Variants in MTIF2 observed in about 807,000 individuals in gnomAD.
MTIF2 encodes the protein translation initiation factor IF-2, mitochondrial.
MTIF2 carries 71 observed loss-of-function variants against 83.5 expected under a neutral mutation model. That is an observed-to-expected ratio of 0.85 (90% CI 0.70 to 1.04). The LOEUF (loss-of-function observed/expected upper bound fraction) is 1.04. MTIF2 is among the 50% of genes least tolerant of loss of function. The probability of loss-of-function intolerance (pLI) is 0.00; values close to 1 mark genes in which losing one functional copy is unlikely to be tolerated. For synonymous variants in MTIF2, 319 were observed against 287.1 expected (o/e 1.11, Z -1.12); for missense variants, 957 against 846.5 (o/e 1.13, Z -1.62).
Position 55,262,064 on chromosome 2 carries a change from G to A in MTIF2, c.331+252C>T, listed in dbSNP as rs181809988. 1.2e-3 allele frequency among the ~76,000 whole-genome samples: 184 copies of A among 151,702 alleles called. 1 individual carries two copies. The highest frequency in any genetic ancestry group is 4.3e-3 in the African/African-American group (176 of 41,408). ...TATTCTAATAGCCCACAAAACTTCC[G>A]AGAAAGAAAACTTAATTCGTATAAG... On this transcript the variant is annotated intron_variant, in intron 5 of 15. Coordinates refer to ENST00000263629, the MANE Select transcript of MTIF2 (RefSeq NM_002453.3).
chr2:55,259,334 T>C (rs1217886328), intron 5 of MTIF2, among the ~76,000 whole-genome samples: 1 of 152,182 alleles, frequency 6.6e-6, no homozygotes, highest in Non-Finnish European at 1.5e-5. Flanking sequence ...GATTTGAATA[T>C]GAAATAAGCT....
intron 14 of MTIF2, among the ~76,000 whole-genome samples, chr2:55,237,736 C>T (rs768886073): frequency 2.0e-5 from 3 of 147,722 alleles, no homozygotes; most frequent in Non-Finnish European, 4.5e-5. Flanking sequence ...CTGCAACCTC[C>T]ACCTCCGGGG....
At chr2:55,243,995 T>C (rs756709599) in intron 11 of MTIF2, 34 bp downstream of exon 11, 4 of 1,486,134 alleles carry the variant, frequency 2.7e-6, no homozygotes, top group Non-Finnish European at 2.7e-6. Flanking sequence ...ATCATTATAT[T>C]ATATCTAATA....
rs548127761 is a variant in MTIF2 at position 55,237,034 on chromosome 2, C to T, written c.2012-214G>A. The stretch of plus-strand genomic sequence containing the variant: ...TGATTTGTAACAAAATAACCTAAAT[C>T]TCCTATTTCAAAGGTAGACATAAAC... On this transcript the variant is annotated intron_variant, in intron 15 of 15. Coordinates refer to ENST00000263629, the MANE Select transcript of MTIF2 (RefSeq NM_002453.3). Among the ~76,000 whole-genome samples the T allele has an allele frequency of 5.9e-5, 9 of 152,312 alleles. No individual in the cohort carries two copies. In the East Asian group the frequency reaches 9.6e-4, roughly 16 times the overall value.
In MTIF2 at chr2:55,243,551, C is replaced by CT. The variant is rs867072542; in HGVS notation, c.1428dup (p.Ala477SerfsTer3). 6.2e-7 allele frequency: 1 copy of CT among 1,614,092 alleles called. No homozygotes were observed. The highest frequency in any genetic ancestry group is 1.7e-4 in the Middle Eastern group (1 of 6,060). Reference sequence around the variant, plus strand: ...AGTAGATGGCCATACTTCTCACGGGCTTTCTGATGTGCTTCTTTGTGTTCC... The same window carrying CT: ...AGTAGATGGCCATACTTCTCACGGGCTTTTCTGATGTGCTTCTTTGTGTTCC... On this transcript the variant is annotated frameshift_variant, in exon 12 of 16. Transcript: ENST00000263629. LOFTEE classifies it high-confidence loss of function.
intron 7 of MTIF2, among the ~76,000 whole-genome samples, 184 bp from the exon 8 acceptor site, chr2:55,252,837 T>G (rs1287775953): frequency 1.3e-5 from 2 of 152,200 alleles, no homozygotes; most frequent in African/African-American, 4.8e-5. Context: ...GCCAGTGAGA[T>G]TCTTATGGGT....
rs570962009 is a variant in MTIF2 at position 55,251,456 on chromosome 2, G to A, written c.841+1021C>T. ...AGGGAGAGTTCTGGCTGCTGTCTGAGTCTTAGTTTTCATGCTGTAAAATGA... is the reference window on the plus strand; with the variant it reads ...AGGGAGAGTTCTGGCTGCTGTCTGAATCTTAGTTTTCATGCTGTAAAATGA... On this transcript the variant is annotated intron_variant, in intron 8 of 15. Coordinates refer to ENST00000263629, the MANE Select transcript of MTIF2 (RefSeq NM_002453.3). Among the ~76,000 whole-genome samples, 30 of 152,300 alleles carry A rather than the reference G, an allele frequency of 2.0e-4. No individual in the cohort carries two copies. In the South Asian group the frequency reaches 6.2e-3, roughly 32 times the overall value.
rs771030523 is a variant in MTIF2, at chr2:55,263,772, T to C, written c.87A>G (p.Ala29=). 5 of 1,614,202 alleles carry C rather than the reference T, an allele frequency of 3.1e-6. No individual in the cohort carries two copies. The highest frequency in any genetic ancestry group is 1.3e-5 in the African/African-American group (1 of 75,046). ...AAAACCCATGCCTCCACTGTCTTAA[T>C]GCTCTTCTTTGACACAGACTGTGCA... ...RQLHSLCQRR[A]LRQWRHGFSS... Residue 29 remains alanine (A), a synonymous_variant, in exon 4 of 16, where the codon GCA becomes GCG. Coordinates refer to ENST00000263629, the MANE Select transcript of MTIF2 (RefSeq NM_002453.3).
intron 4 of MTIF2, 104 bp from the exon 5 acceptor site, chr2:55,262,531 CTTTT>C (rs531485959): frequency 3.4e-5 from 11 of 328,018 alleles, no homozygotes; most frequent in South Asian, 1.2e-4. Flanking sequence ...ACATTTCTTT[CTTTT>C]TTTTTCTTTT....
chr2:55,239,495 G>A (rs1339745962), intron 14 of MTIF2, among the ~76,000 whole-genome samples: 3 of 151,684 alleles, frequency 2.0e-5, no homozygotes, highest in Admixed American at 6.6e-5. Flanking sequence ...AAAATTAAAA[G>A]TTAATAAAAA....
intron 8 of MTIF2, among the ~76,000 whole-genome samples, chr2:55,249,795 A>T (rs188973855): frequency 1.4e-3 from 206 of 152,240 alleles, no homozygotes; most frequent in Non-Finnish European, 2.0e-3. Context: ...ATTATCAAAA[A>T]AAACAATACA....
chr2:55,254,594 G>C (rs1474696716), intron 6 of MTIF2, 60 bp downstream of exon 6: 16 of 1,325,088 alleles, frequency 1.2e-5, no homozygotes, highest in Non-Finnish European at 1.5e-5. Context: ...CCATTAAAAA[G>C]TGTAAATATA....
chr2:55,263,414 C>G (rs1158501642), intron 4 of MTIF2, among the ~76,000 whole-genome samples: 1 of 152,104 alleles, frequency 6.6e-6, no homozygotes, highest in African/African-American at 2.4e-5. Context: ...GTTCTAGGCA[C>G]TTTCATTTTA....
At chr2:55,262,572 T>A in intron 4 of MTIF2, 145 bp from the exon 5 acceptor site, 1 of 540,296 alleles carries the variant, frequency 1.9e-6, no homozygotes, top group Non-Finnish European at 3.2e-6. Context: ...AGACAGACTC[T>A]TGCTCTGTCA....
At chr2:55,252,335 G>A (rs764395551) in intron 8 of MTIF2, 142 bp downstream of exon 8, 4 of 716,698 alleles carry the variant, frequency 5.6e-6, no homozygotes, top group African/African-American at 1.8e-5. Flanking sequence ...TAAGTCTGTG[G>A]GAAAACAATT....
chr2:55,258,811 CAAAAAAAA>C (rs368542489), intron 5 of MTIF2, among the ~76,000 whole-genome samples: 1 of 67,284 alleles, frequency 1.5e-5, no homozygotes, highest in African/African-American at 6.2e-5. Flanking sequence ...GCCTCTGTCT[CAAAAAAAA>C]AAAAAAAAAA....
intron 10 of MTIF2, among the ~76,000 whole-genome samples, chr2:55,245,143 T>A (rs976231067): frequency 1.3e-5 from 2 of 152,330 alleles, no homozygotes; most frequent in African/African-American, 4.8e-5. Context: ...TAGAACATTA[T>A]ACAAAATGAA....
intron 4 of MTIF2, 86 bp from the exon 5 acceptor site, chr2:55,262,513 T>A: frequency 5.9e-6 from 4 of 682,022 alleles, no homozygotes; most frequent in Non-Finnish European, 1.0e-5. Flanking sequence ...TCTACCACAA[T>A]CATAGCTACA....
intron 3 of MTIF2, among the ~76,000 whole-genome samples, chr2:55,266,788 G>C (rs1419999461): frequency 9.5e-6 from 1 of 105,034 alleles, no homozygotes; most frequent in Non-Finnish European, 1.8e-5. Flanking sequence ...TTTTTTTTCA[G>C]ATGGAGTCTC....
Sources: allele counts gnomAD v4.1 joint callset (sites outside exome capture counted in the v4.1 genomes callset), GRCh38; gene constraint gnomAD v4.1.1; transcripts MANE v1.5; gene names NCBI Gene and HGNC (gene_info 2026-07-23, HGNC 2026-07-21).